Variants in PER3 observed in about 807,000 individuals in gnomAD.
PER3 encodes period circadian protein homolog 3.
Under a neutral mutation model 127.2 loss-of-function variants are expected in PER3, and 107 were observed. That is an observed-to-expected ratio of 0.84 (90% CI 0.72 to 0.99). The LOEUF is 0.99. Ranked by LOEUF, PER3 falls within the 50% of genes least tolerant of loss-of-function variation. The pLI is 0.00. For synonymous variants in PER3, 618 were observed against 585.8 expected (o/e 1.05, Z -0.79); for missense variants, 1,560 against 1,525.8 (o/e 1.02, Z -0.37).
At chr1:7,817,345 A>G (rs761558232) in intron 13 of PER3, among the ~76,000 whole-genome samples, 1 of 152,216 alleles carries the variant, frequency 6.6e-6, no homozygotes, top group Admixed American at 6.5e-5. Context: ...AACTGAGTCC[A>G]ACTGCATTAC....
intron 6 of PER3, among the ~76,000 whole-genome samples, chr1:7,797,527 C>T (rs768373220): frequency 2.8e-4 from 42 of 151,676 alleles, no homozygotes; most frequent in Non-Finnish European, 4.1e-4. Context: ...CCCAGCTACT[C>T]GGGAGGCTGA....
chr1:7,815,714 A>G (rs568251677), intron 13 of PER3, among the ~76,000 whole-genome samples: 1 of 152,068 alleles, frequency 6.6e-6, no homozygotes, highest in South Asian at 2.1e-4. Context: ...GGCCGGGCGC[A>G]GTGGCTCACG....
chr1:7,811,905 GT>G (rs2097220762), intron 13 of PER3, among the ~76,000 whole-genome samples: 1 of 152,018 alleles, frequency 6.6e-6, no homozygotes, highest in Non-Finnish European at 1.5e-5. Context: ...TTCTTCTGCT[GT>G]TACATGTAAG....
chr1:7,794,712 A>G (rs2097137331), intron 6 of PER3, among the ~76,000 whole-genome samples: 1 of 152,008 alleles, frequency 6.6e-6, no homozygotes. Flanking sequence ...TATTTGTGAG[A>G]AGGATTTAAA....
chr1:7,839,261 AT>A (rs1435148009), intron 21 of PER3, among the ~76,000 whole-genome samples: 1 of 152,238 alleles, frequency 6.6e-6, no homozygotes, highest in African/African-American at 2.4e-5. Flanking sequence ...TACTGAAGTT[AT>A]GAAATTAGGT....
rs2097207504 is a variant in PER3 at position 7,808,960 on chromosome 1, A to C, written c.1204A>C (p.Thr402Pro). Residue 402 changes from threonine to proline, a missense_variant, in exon 11 of 22, where the codon ACA becomes CCA. This residue lies in a region of PER3 where 1,332 missense variants were observed against 1,223.6 expected (regional missense o/e 1.09). Transcript: ENST00000377532. The part of the protein sequence containing the change: ...KKMNDNDKDI[T>P]ELQEQIYKLL... ...GATGAACGATAATGACAAAGACATA[A>C]CAGAATTACAAGAACAAATTTACAA... 6.3e-7 allele frequency: 1 copy of C among 1,590,636 alleles called. No individual in the cohort carries two copies. The highest frequency in any genetic ancestry group is 8.6e-7 in the Non-Finnish European group (1 of 1,160,124).
chr1:7,830,092 A>G lies in PER3; in HGVS notation c.3145A>G (p.Thr1049Ala), dbSNP rs149385510. The G allele has an allele frequency of 3.1e-6, 5 of 1,613,370 alleles. No homozygotes were observed. The African/African-American group carries it at 6.7e-5, about 22-fold the overall frequency. The change falls in exon 19 of 22, where the codon ACT becomes GCT. Residue 1049 changes from threonine to alanine, a missense_variant. Thr to Ala is a moderately conservative substitution (Grantham distance 58, BLOSUM62 0). Transcript: ENST00000377532. Reference protein sequence around the residue: ...LPPSRTPSHPTATVLSTGSPP... With the variant: ...LPPSRTPSHPAATVLSTGSPP... ...TCCCAGCAGGACTCCATCCCATCCT[A>G]CTGCCACTGTTCTGTCCACGGGGTC...
chr1:7,827,052 A>G, intron 17 of PER3, 66 bp from the exon 18 acceptor site: 3 of 1,232,072 alleles, frequency 2.4e-6, no homozygotes, highest in Middle Eastern at 2.4e-4. Flanking sequence ...ACTACCTGTA[A>G]GTGGCATCCT....
chr1:7,829,942 CTGT>C lies in PER3; in HGVS notation c.2996_2998del (p.Leu999_Ser1000delinsPro). ...TCCATCCCATCCTACTGCCAGCGCT[CTGT>C]CCACAGGATCGCCTCCCATGAAGAA... On this transcript the variant is annotated inframe_deletion, in exon 19 of 22. Transcript: ENST00000377532. 1.6e-6 allele frequency: 2 copies of C among 1,274,418 alleles called. No homozygotes were observed. Among genetic ancestry groups the C allele is most frequent in the Non-Finnish European group, 1.0e-6 (1 of 994,628 alleles). The allele number at this position is 1,274,418 out of a possible 1,614,324, so 78.9% of individuals were successfully genotyped here.
At position 7,803,736 on chromosome 1, in the gene PER3, C is replaced by A; in HGVS notation, c.1024C>A (p.Arg342=). The change falls in exon 10 of 22, where the codon CGA becomes AGA. Residue 342 remains arginine (R), a synonymous_variant. Coordinates refer to ENST00000377532, the MANE Select transcript of PER3 (RefSeq NM_001377275.1). Reference sequence around the variant, plus strand: ...TCCTCCCTTTGAACATTCTCCCATTCGATTTTGTACTCAAAACGGAGACTA... The same window carrying A: ...TCCTCCCTTTGAACATTCTCCCATTAGATTTTGTACTCAAAACGGAGACTA... The part of the protein sequence containing the change: ...GHPPFEHSPI[R]FCTQNGDYII... 5 of 1,608,640 alleles carry A rather than the reference C, an allele frequency of 3.1e-6. No individual in the cohort carries two copies. Among genetic ancestry groups the A allele is most frequent in the Non-Finnish European group, 4.3e-6 (5 of 1,175,162 alleles).
chr1:7,791,353 A>G (rs1335666134), intron 5 of PER3, among the ~76,000 whole-genome samples: 1 of 152,244 alleles, frequency 6.6e-6, no homozygotes. Flanking sequence ...CTCTGAAGCT[A>G]TGGCCTGAGC....
At chr1:7,794,159 T>C (rs2097134710) in intron 6 of PER3, 151 bp downstream of exon 6, 2 of 699,670 alleles carry the variant, frequency 2.9e-6, no homozygotes, top group African/African-American at 1.8e-5. Context: ...CGTATTTTGA[T>C]TGAGAAGAGA....
At position 7,827,680 on chromosome 1, in the gene PER3, A is replaced by C; in HGVS notation, c.2751A>C (p.Ala917=). 6.2e-7 allele frequency: 1 copy of C among 1,614,194 alleles called. No homozygotes were observed. Among genetic ancestry groups the C allele is most frequent in the Non-Finnish European group, 8.5e-7 (1 of 1,180,016 alleles). ...SQRREEEKWE[A]QSEGHPFITS... The stretch of plus-strand genomic sequence containing the variant: ...GGAGAGAGGAGGAAAAGTGGGAGGC[A>C]CAAAGCGAGGGGCACCCGTTCATTA... The change falls in exon 18 of 22, where the codon GCA becomes GCC. Residue 917 remains alanine, a synonymous_variant. Transcript: ENST00000377532.
chr1:7,786,909 T>C (rs934246405), intron 4 of PER3, 73 bp downstream of exon 4: 1 of 837,466 alleles, frequency 1.2e-6, no homozygotes, highest in Non-Finnish European at 2.1e-6. Context: ...TGTAGGCTTT[T>C]AAGAAGGATA....
chr1:7,790,845 G>A (rs1372961400), intron 5 of PER3, among the ~76,000 whole-genome samples: 1 of 152,234 alleles, frequency 6.6e-6, no homozygotes, highest in Non-Finnish European at 1.5e-5. Context: ...ATCCACTGAA[G>A]CAATAATTAA....
At chr1:7,829,369 T>C (rs1401529447) in intron 18 of PER3, among the ~76,000 whole-genome samples, 1 of 152,238 alleles carries the variant, frequency 6.6e-6, no homozygotes, top group African/African-American at 2.4e-5. Context: ...TGTAGCACTC[T>C]CAGCATATGG....
At chr1:7,831,904 A>T (rs2097333091) in intron 19 of PER3, among the ~76,000 whole-genome samples, 1 of 152,178 alleles carries the variant, frequency 6.6e-6, no homozygotes, top group Non-Finnish European at 1.5e-5. Flanking sequence ...TCAAAAAATG[A>T]GCTAGGAACT....
chr1:7,817,953 G>C (rs1445395629), intron 13 of PER3, among the ~76,000 whole-genome samples: 1 of 152,078 alleles, frequency 6.6e-6, no homozygotes, highest in East Asian at 1.9e-4. Context: ...CAATGAACAA[G>C]GTAACAAAAC....
intron 10 of PER3, among the ~76,000 whole-genome samples, chr1:7,807,447 C>G (rs750636816): frequency 6.6e-6 from 1 of 152,194 alleles, no homozygotes; most frequent in Non-Finnish European, 1.5e-5. Context: ...TTGATAATTT[C>G]TGCCTTTGGG....
Sources: gnomAD v4.1 joint callset for allele counts (sites outside exome capture counted in the v4.1 genomes callset) on GRCh38, gnomAD v4.1.1 for gene constraint, gnomAD v4.1.1 regional missense constraint, MANE v1.5 for transcripts, NCBI Gene and HGNC (gene_info 2026-07-23, HGNC 2026-07-21) for gene names.